SLC9A9: variants seen among roughly 807,000 people sequenced by gnomAD.
SLC9A9 encodes sodium/hydrogen exchanger 9.
A neutral mutation model predicts 77.8 loss-of-function variants in SLC9A9; 62 were observed. That is an observed-to-expected ratio of 0.80 (90% confidence interval 0.65 to 0.98). The LOEUF is 0.98. Among genes scored for constraint, SLC9A9 ranks in the 50% least tolerant of loss-of-function variants. The pLI is 0.00. For missense variants in SLC9A9, 775 were observed against 774.9 expected, an observed-to-expected ratio of 1.00 and a Z score of 0.00; for synonymous variants, 320 against 283.5, an observed-to-expected ratio of 1.13 and a Z score of -1.29.
chr3:143,710,240 C>A (rs1327398362), intron 4 of SLC9A9, among the ~76,000 whole-genome samples: 1 of 152,154 alleles, frequency 6.6e-6, no homozygotes, highest in Non-Finnish European at 1.5e-5. Context: ...AGTAAGGAAG[C>A]TTTCAAAAGT....
chr3:143,828,417 T>C (rs1352860063), intron 2 of SLC9A9, among the ~76,000 whole-genome samples: 1 of 152,140 alleles, frequency 6.6e-6, no homozygotes, highest in Non-Finnish European at 1.5e-5. Flanking sequence ...AAAGGTATGG[T>C]CCCTGCCTTT....
intron 12 of SLC9A9, among the ~76,000 whole-genome samples, chr3:143,391,147 T>C (rs1055315515): frequency 6.6e-6 from 1 of 152,248 alleles, no homozygotes; most frequent in African/African-American, 2.4e-5. Flanking sequence ...CAGACAGATA[T>C]GCCTCCTCAA....
chr3:143,443,091 T>C (rs1260323085), intron 12 of SLC9A9, among the ~76,000 whole-genome samples: 4 of 151,842 alleles, frequency 2.6e-5, no homozygotes, highest in Admixed American at 2.6e-4. Context: ...TGTAGCCTGC[T>C]CTGGCTAAAG....
chr3:143,500,044 G>T (rs1266416093), intron 9 of SLC9A9, among the ~76,000 whole-genome samples: 1 of 151,950 alleles, frequency 6.6e-6, no homozygotes, highest in Non-Finnish European at 1.5e-5. Context: ...TATTGTTAAA[G>T]TTACTCAGGT....
chr3:143,585,316 G>T (rs182756606), intron 6 of SLC9A9, among the ~76,000 whole-genome samples: 2 of 152,210 alleles, frequency 1.3e-5, no homozygotes, highest in Admixed American at 6.5e-5. Context: ...GATTGTTTCT[G>T]CCCTATAGTT....
At chr3:143,737,943 C>A (rs998213736) in intron 4 of SLC9A9, among the ~76,000 whole-genome samples, 4 of 152,178 alleles carry the variant, frequency 2.6e-5, no homozygotes, top group African/African-American at 9.6e-5. Flanking sequence ...TGCATTCTCT[C>A]ATTTAATCCC....
intron 4 of SLC9A9, among the ~76,000 whole-genome samples, chr3:143,695,305 A>G (rs569127606): frequency 6.6e-6 from 1 of 152,216 alleles, no homozygotes; most frequent in South Asian, 2.1e-4. Context: ...CATCTACATT[A>G]GGTATTTCTC....
chr3:143,745,640 T>C (rs1292178246), intron 4 of SLC9A9, among the ~76,000 whole-genome samples: 1 of 152,206 alleles, frequency 6.6e-6, no homozygotes, highest in African/African-American at 2.4e-5. Flanking sequence ...TTGGAAATTC[T>C]TTTCATCAAG....
intron 14 of SLC9A9, among the ~76,000 whole-genome samples, chr3:143,348,167 T>C (rs1210615015): frequency 1.3e-5 from 2 of 152,002 alleles, no homozygotes; most frequent in African/African-American, 4.8e-5. Context: ...GTCCAGCTAA[T>C]TTTTGTATTT....
At chr3:143,673,466 A>G (rs1287330610) in intron 5 of SLC9A9, among the ~76,000 whole-genome samples, 1 of 151,740 alleles carries the variant, frequency 6.6e-6, no homozygotes, top group East Asian at 1.9e-4. Context: ...TGCACATTTA[A>G]TTAGAGAAGG....
At chr3:143,753,762 C>T (rs2108826692) in intron 4 of SLC9A9, among the ~76,000 whole-genome samples, 2 of 152,252 alleles carry the variant, frequency 1.3e-5, no homozygotes, top group South Asian at 4.1e-4. Context: ...GGATCACATG[C>T]ATTACCAGTG....
intron 14 of SLC9A9, among the ~76,000 whole-genome samples, chr3:143,280,899 C>G (rs1938199096): frequency 6.6e-6 from 1 of 152,182 alleles, no homozygotes; most frequent in South Asian, 2.1e-4. Context: ...TCAACATTTT[C>G]TCAACCACAC....
chr3:143,798,862 T>C (rs1420173624), intron 2 of SLC9A9, among the ~76,000 whole-genome samples: 1 of 152,118 alleles, frequency 6.6e-6, no homozygotes, highest in Non-Finnish European at 1.5e-5. Flanking sequence ...CAACCCCAAG[T>C]GTTGCTCAGT....
At chr3:143,723,466 C>T (rs1205953025) in intron 4 of SLC9A9, among the ~76,000 whole-genome samples, 3 of 152,140 alleles carry the variant, frequency 2.0e-5, no homozygotes, top group East Asian at 1.9e-4. Flanking sequence ...TACACATCCC[C>T]GGGGAGTGGG....
At chr3:143,585,328 A>G (rs994150303) in intron 6 of SLC9A9, among the ~76,000 whole-genome samples, 1 of 152,296 alleles carries the variant, frequency 6.6e-6, no homozygotes, top group East Asian at 1.9e-4. Context: ...CCTATAGTTT[A>G]TGTAAAAATA....
At chr3:143,338,563 T>C (rs2031995066) in intron 14 of SLC9A9, among the ~76,000 whole-genome samples, 1 of 152,174 alleles carries the variant, frequency 6.6e-6, no homozygotes, top group African/African-American at 2.4e-5. Context: ...ATACATATAC[T>C]TAAAAGGCAT....
At chr3:143,780,486 C>A (rs1231154467) in intron 4 of SLC9A9, among the ~76,000 whole-genome samples, 2 of 152,162 alleles carry the variant, frequency 1.3e-5, no homozygotes, top group Non-Finnish European at 2.9e-5. Context: ...AGTTTTTACG[C>A]AATCATTGAT....
chr3:143,529,128 G>A (rs750991370), intron 9 of SLC9A9, among the ~76,000 whole-genome samples: 2 of 152,186 alleles, frequency 1.3e-5, no homozygotes, highest in Non-Finnish European at 2.9e-5. Context: ...GGTGCTTGAG[G>A]GTAGAGACGC....
chr3:143,344,240 T>C (rs937210502), intron 14 of SLC9A9, among the ~76,000 whole-genome samples: 4 of 152,196 alleles, frequency 2.6e-5, no homozygotes, highest in Admixed American at 6.5e-5. Context: ...TGCAAGAGTT[T>C]ATTTGCAAAA....
Sources: allele counts gnomAD v4.1 joint callset (sites outside exome capture counted in the v4.1 genomes callset), GRCh38; gene constraint gnomAD v4.1.1; transcripts MANE v1.5; gene names NCBI Gene and HGNC (gene_info 2026-07-23, HGNC 2026-07-21).